Variants in CFAP298 observed in about 807,000 individuals in gnomAD.
CFAP298 encodes the protein cilia and flagella associated protein 298.
CFAP298 carries 38 observed loss-of-function variants against 41.0 expected under a neutral mutation model. The ratio of observed to expected loss-of-function variants is 0.93; its 90% CI spans 0.72 to 1.22. CFAP298 has a LOEUF of 1.22. CFAP298 is among the 50% of genes most tolerant of loss of function. CFAP298 has a pLI of 0.00. For synonymous variants in CFAP298, 137 were observed against 135.3 expected (o/e 1.01, Z -0.09); for missense variants, 348 against 360.3 (o/e 0.97, Z 0.28).
At position 32,609,807 on chromosome 21, in the gene CFAP298, G is replaced by A. The variant is rs746097911; in HGVS notation, c.307+31C>T. 3.2e-6 allele frequency: 5 copies of A among 1,586,832 alleles called. No individual in the cohort carries two copies. In the African/African-American group the frequency reaches 5.4e-5, roughly 17 times the overall value. On this transcript the variant is annotated intron_variant, in intron 2 of 6. Coordinates refer to ENST00000290155, the MANE Select transcript of CFAP298 (RefSeq NM_021254.4). The stretch of plus-strand genomic sequence containing the variant: ...GTTTTCATACTTATGCCTGTATCAA[G>A]CATGCACATAGAAGAGAAATCCTCA...
intron 3 of CFAP298, 39 bp from the exon 4 acceptor site, chr21:32,604,322 A>C (rs2038820192): frequency 1.2e-6 from 2 of 1,610,054 alleles, no homozygotes; most frequent in Non-Finnish European, 1.7e-6. Flanking sequence ...AGTGTGGCTA[A>C]TCACTTCCAT....
At position 32,608,007 on chromosome 21, in the gene CFAP298, A is replaced by T. The variant is rs1360802773; in HGVS notation, c.308-291T>A. 3.9e-5 allele frequency among the ~76,000 whole-genome samples: 6 copies of T among 152,198 alleles called. No individual in the cohort carries two copies. In the South Asian group the frequency reaches 8.3e-4, roughly 21 times the overall value. On this transcript the variant is annotated intron_variant, in intron 2 of 6. Transcript: ENST00000290155. ...GTGAACTTTTTCTGGAAAGGGCCAG[A>T]GAGTAAAATTTGAGGCTTTGCAGGC...
intron 2 of CFAP298, 35 bp downstream of exon 2, chr21:32,609,803 T>G (rs779085693): frequency 1.3e-6 from 2 of 1,572,726 alleles, no homozygotes; most frequent in South Asian, 2.3e-5. Context: ...TATGCCTGTA[T>G]CAAGCATGCA....
chr21:32,602,553 T>G (rs912199616), intron 5 of CFAP298, 186 bp from the exon 6 acceptor site: 8 of 1,411,954 alleles, frequency 5.7e-6, no homozygotes, highest in Non-Finnish European at 4.6e-6. Context: ...AGCCCTGGAC[T>G]CTCACTGTGT....
chr21:32,602,227 T>C (rs768598720), intron 6 of CFAP298, 45 bp downstream of exon 6: 1 of 1,573,848 alleles, frequency 6.4e-7, no homozygotes. Context: ...ACACAGGCTA[T>C]GTGTGGGCGC....
At position 32,603,289 on chromosome 21, in the gene CFAP298, C is replaced by T; in HGVS notation, c.538G>A (p.Gly180Arg). The T allele has an allele frequency of 6.2e-7, 1 of 1,614,106 alleles. No individual in the cohort carries two copies. Among genetic ancestry groups the T allele is most frequent in the South Asian group, 1.1e-5 (1 of 91,088 alleles). ...NKEDLSGTQA[G>R]LNVIKEAEAQ... ...TCTGCCTCTTTAATGACGTTGAGCCCTGCCTGGGGCCAGTCGTAAGAATGG... is the reference window on the plus strand; with the variant it reads ...TCTGCCTCTTTAATGACGTTGAGCCTTGCCTGGGGCCAGTCGTAAGAATGG... Residue 180 changes from glycine to arginine, a missense_variant, in exon 5 of 7, where the codon GGG (glycine) becomes AGG (arginine). Gly to Arg is a moderately radical substitution (Grantham distance 125). Coordinates refer to ENST00000290155, the MANE Select transcript of CFAP298 (RefSeq NM_021254.4).
intron 2 of CFAP298, among the ~76,000 whole-genome samples, chr21:32,608,961 A>G (rs1264654802): frequency 6.6e-6 from 1 of 152,222 alleles, no homozygotes; most frequent in Non-Finnish European, 1.5e-5. Context: ...CAGTGTTTTA[A>G]ATGGCGCTTT....
At chr21:32,611,751 C>G (rs1298605958) in intron 1 of CFAP298, among the ~76,000 whole-genome samples, 2 of 152,152 alleles carry the variant, frequency 1.3e-5, no homozygotes, top group African/African-American at 4.8e-5. Flanking sequence ...TAAAAGCCCA[C>G]CTAGTTCTCA....
At chr21:32,610,234 T>A (rs1199476744) in intron 1 of CFAP298, among the ~76,000 whole-genome samples, 3 of 151,876 alleles carry the variant, frequency 2.0e-5, no homozygotes, top group Admixed American at 2.0e-4. Flanking sequence ...TCTCCCTCTG[T>A]CACCCAGGCA....
At chr21:32,610,079 C>A (rs1601164924) in intron 1 of CFAP298, 74 bp from the exon 2 acceptor site, 2 of 1,359,582 alleles carry the variant, frequency 1.5e-6, no homozygotes, top group East Asian at 4.7e-5. Context: ...TCCAAAGAGT[C>A]AGGGGTCTTG....
rs1296613947 is a variant in CFAP298 at position 32,600,879 on chromosome 21, T to C, written c.*984A>G. Among the ~76,000 whole-genome samples, 1 of 152,148 alleles carries C rather than the reference T, an allele frequency of 6.6e-6. No individual in the cohort carries two copies. The highest frequency in any genetic ancestry group is 1.5e-5 in the Non-Finnish European group (1 of 68,020). On this transcript the variant is annotated 3_prime_UTR_variant, in exon 7 of 7. Coordinates refer to ENST00000290155, the MANE Select transcript of CFAP298 (RefSeq NM_021254.4). ...AGAAGCTGAGAAACTCCAGAAGAAT[T>C]TAAGTTTCAAAGTCAGATGAGTTTG...
chr21:32,607,479 G>A (rs569780918), intron 3 of CFAP298, among the ~76,000 whole-genome samples, 170 bp downstream of exon 3: 2 of 151,918 alleles, frequency 1.3e-5, no homozygotes, highest in South Asian at 4.2e-4. Flanking sequence ...TGTAATCCCA[G>A]CTACTCGGGA....
chr21:32,606,412 G>C (rs544135605), intron 3 of CFAP298, among the ~76,000 whole-genome samples: 3 of 152,162 alleles, frequency 2.0e-5, no homozygotes, highest in Non-Finnish European at 4.4e-5. Flanking sequence ...ACAGGCAAAG[G>C]GGAGAAGTGA....
At chr21:32,612,078 C>T (rs767614318) in intron 1 of CFAP298, 27 bp downstream of exon 1, 2 of 1,538,542 alleles carry the variant, frequency 1.3e-6, no homozygotes, top group Admixed American at 4.0e-5. Flanking sequence ...TCGATCTGTC[C>T]GGGATGGGCC....
intron 4 of CFAP298, 106 bp from the exon 5 acceptor site, chr21:32,603,398 T>TCAC (rs1450114893): frequency 5.6e-6 from 7 of 1,258,946 alleles, no homozygotes; most frequent in Non-Finnish European, 7.8e-6. Flanking sequence ...CTCCCCGTGC[T>TCAC]CACCATGGGA....
Position 32,603,267 on chromosome 21 carries a change from G to A in CFAP298, c.560C>T (p.Ala187Val). 1 of 1,614,102 alleles carries A rather than the reference G, an allele frequency of 6.2e-7. No individual in the cohort carries two copies. Among genetic ancestry groups the A allele is most frequent in the Non-Finnish European group, 8.5e-7 (1 of 1,180,000 alleles). Reference sequence around the variant, plus strand: ...GGCTGCCCACCACAGCTGCGCCTCTGCCTCTTTAATGACGTTGAGCCCTGC... The same window carrying A: ...GGCTGCCCACCACAGCTGCGCCTCTACCTCTTTAATGACGTTGAGCCCTGC... Reference protein sequence around the residue: ...TQAGLNVIKEAEAQLWWAAKE... With the variant: ...TQAGLNVIKEVEAQLWWAAKE... Residue 187 changes from alanine to valine, a missense_variant, in exon 5 of 7, where the codon GCA (alanine) becomes GTA (valine). Physicochemically the swap from Ala to Val is moderately conservative, Grantham distance 64. Coordinates refer to ENST00000290155, the MANE Select transcript of CFAP298 (RefSeq NM_021254.4).
At position 32,601,637 on chromosome 21, in the gene CFAP298, A is replaced by C. The variant is rs2038740589; in HGVS notation, c.*226T>G. Reference sequence around the variant, plus strand: ...TATCAAAGAAAACCATGACATACTAAATAGTCCTGAAACAAAAACGATTTA... The same window carrying C: ...TATCAAAGAAAACCATGACATACTACATAGTCCTGAAACAAAAACGATTTA... On this transcript the variant is annotated 3_prime_UTR_variant, in exon 7 of 7. Transcript: ENST00000290155. 2.2e-6 allele frequency: 1 copy of C among 457,042 alleles called. No individual in the cohort carries two copies. The highest frequency in any genetic ancestry group is 3.7e-5 in the East Asian group (1 of 27,228). 28.3% of individuals were successfully genotyped at this position (457,042 alleles called of 1,614,324 possible). A position where few individuals can be genotyped will look rare whatever the true frequency, so the allele number is the denominator to read the frequency against.
At chr21:32,608,302 C>A (rs9974568) in intron 2 of CFAP298, among the ~76,000 whole-genome samples, 1 of 150,700 alleles carries the variant, frequency 6.6e-6, no homozygotes, top group Non-Finnish European at 1.5e-5. Flanking sequence ...CCATACATTC[C>A]TAGTAAATAA....
chr21:32,611,691 G>C (rs2039004418), intron 1 of CFAP298, among the ~76,000 whole-genome samples: 1 of 152,150 alleles, frequency 6.6e-6, no homozygotes, highest in African/African-American at 2.4e-5. Flanking sequence ...CCCAAAGCCA[G>C]GTGGCTCGCT....
Sources: allele counts gnomAD v4.1 joint callset (sites outside exome capture counted in the v4.1 genomes callset), GRCh38; gene constraint gnomAD v4.1.1; transcripts MANE v1.5; gene names NCBI Gene and HGNC (gene_info 2026-07-23, HGNC 2026-07-21).